GID4: variants seen among roughly 807,000 people sequenced by gnomAD.
GID4 encodes GID complex subunit 4 homolog, also known as glucose-induced degradation protein 4 homolog.
GID4 carries 7 observed loss-of-function variants against 32.4 expected under a neutral mutation model. That is an observed-to-expected ratio of 0.22 (90% CI 0.12 to 0.41). The LOEUF (loss-of-function observed/expected upper bound fraction) is 0.41, where lower values mean the gene tolerates loss of function less well. GID4 is among the 10% of genes least tolerant of loss of function. The pLI, the probability that GID4 is intolerant of heterozygous loss-of-function variation, is 1.00. For missense variants in GID4, 309 were observed against 400.0 expected (o/e 0.77, Z 1.94); for synonymous variants, 166 against 170.0 (o/e 0.98, Z 0.18).
intron 2 of GID4, among the ~76,000 whole-genome samples, chr17:18,052,044 G>C (rs370238571): frequency 5.3e-5 from 8 of 149,866 alleles, no homozygotes; most frequent in Admixed American, 2.0e-4. Flanking sequence ...ACTGCATTCC[G>C]GTCTGGGCGA....
At chr17:18,053,307 C>A (rs1214276528) in intron 2 of GID4, among the ~76,000 whole-genome samples, 1 of 150,476 alleles carries the variant, frequency 6.6e-6, no homozygotes, top group African/African-American at 2.4e-5. Context: ...GCCACCATGC[C>A]TGGCCAAAAT....
intron 3 of GID4, among the ~76,000 whole-genome samples, chr17:18,056,017 G>C (rs575811281): frequency 5.3e-5 from 8 of 151,896 alleles, no homozygotes; most frequent in African/African-American, 1.9e-4. Context: ...ACCGTGCCTG[G>C]CTAATTTTTG....
At chr17:18,057,225 A>T (rs1416818280) in intron 3 of GID4, 6 of 589,870 alleles carry the variant, frequency 1.0e-5, no homozygotes, top group Non-Finnish European at 1.7e-5. Flanking sequence ...TGAGGTCAGG[A>T]GTTCGAGAAC....
chr17:18,058,789 A>T, intron 3 of GID4, 79 bp from the exon 4 acceptor site: 1 of 902,594 alleles, frequency 1.1e-6, no homozygotes, highest in Non-Finnish European at 1.8e-6. Flanking sequence ...AGGTGAGTTT[A>T]CCTGGGCACA....
chr17:18,050,723 G>A (rs765365188), intron 2 of GID4, among the ~76,000 whole-genome samples: 4 of 152,240 alleles, frequency 2.6e-5, no homozygotes, highest in African/African-American at 7.2e-5. Context: ...ATGGAAAGTC[G>A]TGGTACCTAT....
chr17:18,065,472 C>G lies in GID4; in HGVS notation c.*229C>G, dbSNP rs1326625701. ...TTCCTCCCCTCAGTGGCAGTTTGGT[C>G]TTCACCTGTTTTTAAGCTACCTTAA... is the stretch of plus-strand genomic sequence containing the variant. On this transcript the variant is annotated 3_prime_UTR_variant, in exon 6 of 6. Transcript: ENST00000268719. The G allele has an allele frequency of 1.8e-6, 1 of 559,676 alleles. No homozygotes were observed. Among genetic ancestry groups the G allele is most frequent in the East Asian group, 3.1e-5 (1 of 32,608 alleles). 34.7% of individuals were successfully genotyped at this position (559,676 alleles called of 1,614,324 possible). A position where few individuals can be genotyped will look rare whatever the true frequency, so the allele number is the denominator to read the frequency against.
intron 1 of GID4, among the ~76,000 whole-genome samples, chr17:18,043,448 T>C (rs2044822526): frequency 6.6e-6 from 1 of 152,250 alleles, no homozygotes; most frequent in East Asian, 1.9e-4. Context: ...GAGAATTGCA[T>C]ACATGAAATT....
At position 18,056,171 on chromosome 17, in the gene GID4, T is replaced by A. The variant is rs996487473; in HGVS notation, c.606+1937T>A. On this transcript the variant is annotated intron_variant, in intron 3 of 5. Transcript: ENST00000268719. ...TGCCCAGCCCCAAGCTGTTTTTTAC[T>A]TGAGTAAAAAAAGGAGATCTATCAA... is the stretch of plus-strand genomic sequence containing the variant. 2.0e-5 allele frequency among the ~76,000 whole-genome samples: 3 copies of A among 152,204 alleles called. No homozygotes were observed. The East Asian group carries it at 5.8e-4, about 29-fold the overall frequency.
chr17:18,049,157 G>A (rs570945423), intron 2 of GID4, among the ~76,000 whole-genome samples: 62 of 151,112 alleles, frequency 4.1e-4, no homozygotes, highest in Admixed American at 1.2e-3. Context: ...ACAACATGGT[G>A]AAACCCCATC....
chr17:18,058,872 A>G lies in GID4; in HGVS notation c.611A>G (p.Lys204Arg). The G allele has an allele frequency of 4.4e-6, 7 of 1,604,338 alleles. No homozygotes were observed. The highest frequency in any genetic ancestry group is 6.0e-6 in the Non-Finnish European group (7 of 1,171,298). The change falls in exon 4 of 6, where the codon AAG becomes AGG. Residue 204 changes from lysine (K) to arginine (R), a missense_variant. By Grantham distance (26) the Lys-to-Arg change is conservative. Coordinates refer to ENST00000268719, the MANE Select transcript of GID4 (RefSeq NM_024052.5). ...CACTCTCTTTTCTGCTTTCAGGGCA[A>G]GTTTCTGGCTTTTTATCAGTATGCA... ...DEDVDRKHWG[K>R]FLAFYQYAKS...
chr17:18,066,518 C>T lies in GID4; in HGVS notation c.*1275C>T, dbSNP rs1003144027. The T allele has an allele frequency of 1.3e-5, 2 of 151,200 alleles. No homozygotes were observed. Among genetic ancestry groups the T allele is most frequent in the Non-Finnish European group, 2.9e-5 (2 of 67,906 alleles). 9.4% of individuals were successfully genotyped at this position (151,200 alleles called of 1,614,324 possible). On this transcript the variant is annotated 3_prime_UTR_variant, in exon 6 of 6. Transcript: ENST00000268719. ...TTTGTTTTTTTAAATGTTTTAAAAG[C>T]TTAATAGGTTGGCATCAGTTGTAGC...
At chr17:18,059,421 C>A (rs559551055) in intron 4 of GID4, among the ~76,000 whole-genome samples, 1 of 152,308 alleles carries the variant, frequency 6.6e-6, no homozygotes, top group Non-Finnish European at 1.5e-5. Context: ...CCCTCCACCA[C>A]ATCCTTTTCC....
At chr17:18,041,978 G>A (rs2044807917) in intron 1 of GID4, among the ~76,000 whole-genome samples, 1 of 152,198 alleles carries the variant, frequency 6.6e-6, no homozygotes, top group Admixed American at 6.5e-5. Flanking sequence ...AATGAATGCT[G>A]CCCTACATCT....
chr17:18,039,682 TC>T lies in GID4; in HGVS notation c.224del (p.Pro75GlnfsTer67). 9.5e-6 allele frequency: 12 copies of T among 1,268,096 alleles called. No homozygotes were observed. Among genetic ancestry groups the T allele is most frequent in the South Asian group, 1.7e-5 (1 of 60,210 alleles). 78.6% of individuals were successfully genotyped at this position (1,268,096 alleles called of 1,614,324 possible). A position where few individuals can be genotyped will look rare whatever the true frequency, so the allele number is the denominator to read the frequency against. On this transcript the variant is annotated frameshift_variant, in exon 1 of 6. Coordinates refer to ENST00000268719, the MANE Select transcript of GID4 (RefSeq NM_024052.5). LOFTEE classifies it high-confidence loss of function. The surrounding 1 kb of genome is among the most constrained non-coding windows in gnomAD (Gnocchi z 5.3). Reference protein sequence around the residue: ...SRAAAAVPLPLPPALAPGDPA... With the variant: ...SRAAAAVPLPXPPALAPGDPA... ...GCGGCGGCGGCGGTTCCTCTCCCAC[TC>T]CCCCCAGCCCTGGCTCCGGGGGACC...
intron 3 of GID4, among the ~76,000 whole-genome samples, chr17:18,054,561 A>G (rs953810349): frequency 1.3e-5 from 2 of 151,890 alleles, no homozygotes; most frequent in Non-Finnish European, 2.9e-5. Flanking sequence ...GTTCCTTTCA[A>G]ATCACCTCTG....
intron 2 of GID4, among the ~76,000 whole-genome samples, chr17:18,048,999 G>C (rs1398932536): frequency 6.6e-6 from 1 of 151,856 alleles, no homozygotes; most frequent in Non-Finnish European, 1.5e-5. Context: ...TTTAGTCATA[G>C]TAGTTGCCTT....
At chr17:18,059,064 G>C in intron 4 of GID4, 95 bp downstream of exon 4, 1 of 706,470 alleles carries the variant, frequency 1.4e-6, no homozygotes. Flanking sequence ...CCCATGTCCA[G>C]TGCTCGTCAC....
At chr17:18,064,631 A>G (rs2045044694) in intron 5 of GID4, among the ~76,000 whole-genome samples, 1 of 152,132 alleles carries the variant, frequency 6.6e-6, no homozygotes, top group Admixed American at 6.6e-5. Context: ...AGGGGAGGCA[A>G]ACACCTCAGA....
At position 18,061,554 on chromosome 17, in the gene GID4, A is replaced by G. The variant is rs910986746; in HGVS notation, c.709-291A>G. 1.3e-5 allele frequency among the ~76,000 whole-genome samples: 2 copies of G among 152,124 alleles called. No homozygotes were observed. The highest frequency in any genetic ancestry group is 4.8e-5 in the African/African-American group (2 of 41,410). On this transcript the variant is annotated intron_variant, in intron 4 of 5. Coordinates refer to ENST00000268719, the MANE Select transcript of GID4 (RefSeq NM_024052.5). The surrounding 1 kb of genome is among the most constrained non-coding windows in gnomAD (Gnocchi z 4.4). ...CAGACAGGCAGGTGAGTAGGTATTG[A>G]TTTATATATTAGATGTTTCGGCCAT...
Sources: allele counts gnomAD v4.1 joint callset (sites outside exome capture counted in the v4.1 genomes callset), GRCh38; gene constraint gnomAD v4.1.1; non-coding constraint Gnocchi (gnomAD v3.1); transcripts MANE v1.5; gene names NCBI Gene and HGNC (gene_info 2026-07-23, HGNC 2026-07-21).